PRMT8: variants seen among roughly 807,000 people sequenced by gnomAD.
PRMT8 encodes the protein protein arginine methyltransferase 8, also known as protein arginine N-methyltransferase 8.
In PRMT8, 7 loss-of-function variants were observed where a neutral mutation model predicts 47.1. That is an observed-to-expected ratio of 0.15 (90% CI 0.08 to 0.28). The LOEUF (loss-of-function observed/expected upper bound fraction) is 0.28, where lower values mean the gene tolerates loss of function less well. PRMT8 is among the 10% of genes least tolerant of loss of function. PRMT8 has a pLI of 1.00. For synonymous variants in PRMT8, 188 were observed against 186.5 expected (o/e 1.01, Z -0.07); for missense variants, 237 against 505.4 (o/e 0.47, Z 5.09).
upstream of PRMT8, among the ~76,000 whole-genome samples, chr12:3,490,386 C>T (rs1865367342): frequency 6.6e-6 from 1 of 152,140 alleles, no homozygotes; most frequent in Non-Finnish European, 1.5e-5. Context: ...CCCCTGCTGC[C>T]GCCCAAACTC....
chr12:3,450,644 C>T (rs759978111), intron 1 of PRMT8, among the ~76,000 whole-genome samples: 81 of 152,224 alleles, frequency 5.3e-4, no homozygotes, highest in African/African-American at 1.9e-3. Flanking sequence ...AAATAATGTT[C>T]CATGTAAAAA....
chr12:3,483,158 C>T (rs1865290390), intron 1 of PRMT8, among the ~76,000 whole-genome samples: 1 of 152,176 alleles, frequency 6.6e-6, no homozygotes, highest in Non-Finnish European at 1.5e-5. Flanking sequence ...GGTGGGTGTG[C>T]TCCACGGGAA....
At chr12:3,542,961 A>C (rs2137167747) in intron 2 of PRMT8, among the ~76,000 whole-genome samples, 1 of 152,374 alleles carries the variant, frequency 6.6e-6, no homozygotes, top group East Asian at 1.9e-4. Flanking sequence ...GGGAGAGGAC[A>C]TCAAGTTTCA....
At chr12:3,531,504 G>A (rs1866029888) in intron 1 of PRMT8, among the ~76,000 whole-genome samples, 1 of 152,194 alleles carries the variant, frequency 6.6e-6, no homozygotes, top group Non-Finnish European at 1.5e-5. Flanking sequence ...AATAGGTCAG[G>A]CCCAACAAAT....
rs1369507731 is a variant in PRMT8 at position 3,538,529 on chromosome 12, C to T, written c.76-2077C>T. ...TTAGCCTGTGGAGTCCCAGGAAGCA[C>T]ATGGAAAAGAGAGCCTTGGAACCAG... On this transcript the variant is annotated intron_variant, in intron 1 of 9. Coordinates refer to ENST00000382622, the MANE Select transcript of PRMT8 (RefSeq NM_019854.5). This position sits in a 1 kb window ranked among gnomAD's most constrained non-coding sequence, Gnocchi z 4.6. 1 of 473,974 alleles carries T rather than the reference C, an allele frequency of 2.1e-6. No individual in the cohort carries two copies. 29.4% of individuals were successfully genotyped at this position (473,974 alleles called of 1,614,324 possible).
chr12:3,591,147 C>T (rs1867291971), intron 8 of PRMT8, among the ~76,000 whole-genome samples: 1 of 152,064 alleles, frequency 6.6e-6, no homozygotes, highest in South Asian at 2.1e-4. Context: ...GAACTCCTCA[C>T]ATTTAACTGG....
rs116112984 is a variant in PRMT8 at position 3,568,320 on chromosome 12, A to G, written c.482-386A>G. Among the ~76,000 whole-genome samples, 772 of 149,554 alleles carry G rather than the reference A, an allele frequency of 5.2e-3. 4 individuals carry two copies. Among genetic ancestry groups the G allele is most frequent in the African/African-American group, 0.018 (722 of 40,354 alleles). On this transcript the variant is annotated intron_variant, in intron 4 of 9. Coordinates refer to ENST00000382622, the MANE Select transcript of PRMT8 (RefSeq NM_019854.5). ...CTCAGGGGTGGCTGGAAGAGGTGGA[A>G]GGGGAGGCAGGCACACTTGGTGTAA...
chr12:3,593,052 C>T lies in PRMT8; in HGVS notation c.1102-47C>T, dbSNP rs758093077. On this transcript the variant is annotated intron_variant, in intron 9 of 9. Coordinates refer to ENST00000382622, the MANE Select transcript of PRMT8 (RefSeq NM_019854.5). The surrounding 1 kb of genome is among the most constrained non-coding windows in gnomAD (Gnocchi z 4.8). ...GTGCCAGAGAGTGGGGCTGTGGCTT[C>T]ATACCCAGACGGCCGCCTGACCCTT... 5 of 1,508,166 alleles carry T rather than the reference C, an allele frequency of 3.3e-6. No individual in the cohort carries two copies. The highest frequency in any genetic ancestry group is 3.7e-6 in the Non-Finnish European group (4 of 1,085,914). 93.4% of individuals were successfully genotyped at this position (1,508,166 alleles called of 1,614,324 possible). A position where few individuals can be genotyped will look rare whatever the true frequency, so the allele number is the denominator to read the frequency against.
chr12:3,543,201 C>T (rs531197534), intron 2 of PRMT8, among the ~76,000 whole-genome samples: 384 of 152,324 alleles, frequency 2.5e-3, no homozygotes, highest in Non-Finnish European at 4.3e-3. Context: ...TAGACCATCT[C>T]ATAGGTCCTT....
At chr12:3,471,442 G>A (rs923569233) in intron 1 of PRMT8, among the ~76,000 whole-genome samples, 8 of 151,932 alleles carry the variant, frequency 5.3e-5, no homozygotes, top group African/African-American at 9.7e-5. Flanking sequence ...CAATCCTCAG[G>A]TTTCCATAAA....
Position 3,569,080 on chromosome 12 carries a change from T to C in PRMT8, c.624+232T>C, listed in dbSNP as rs1866794028. On this transcript the variant is annotated intron_variant, in intron 5 of 9. Transcript: ENST00000382622. The surrounding 1 kb of genome is among the most constrained non-coding windows in gnomAD (Gnocchi z 8.2). ...TTCCGTGGGTCTCACCGCAGCCTCTTTTGCAATAACAGACATCCGTTCTCT... is the reference window on the plus strand; with the variant it reads ...TTCCGTGGGTCTCACCGCAGCCTCTCTTGCAATAACAGACATCCGTTCTCT... Among the ~76,000 whole-genome samples the C allele has an allele frequency of 5.9e-5, 9 of 152,092 alleles. No homozygotes were observed. The highest frequency in any genetic ancestry group is 5.9e-4 in the Admixed American group (9 of 15,272).
At chr12:3,455,721 G>C (rs757092926) in intron 1 of PRMT8, among the ~76,000 whole-genome samples, 8 of 152,248 alleles carry the variant, frequency 5.3e-5, no homozygotes, top group Admixed American at 1.3e-4. Flanking sequence ...ATTGAATTTG[G>C]CTTGGTCCTC....
intron 1 of PRMT8, among the ~76,000 whole-genome samples, chr12:3,416,235 G>A (rs553757082): frequency 1.3e-5 from 2 of 152,296 alleles, no homozygotes; most frequent in East Asian, 3.9e-4. Context: ...AAATAGGTTT[G>A]TGTCTTTGCT....
At chr12:3,560,169 T>G (rs1866608420) in intron 4 of PRMT8, among the ~76,000 whole-genome samples, 1 of 152,190 alleles carries the variant, frequency 6.6e-6, no homozygotes, top group Non-Finnish European at 1.5e-5. Context: ...TTAGCCTTGG[T>G]GTGTGTACTC....
At chr12:3,478,594 T>C (rs1865241926) in intron 1 of PRMT8, among the ~76,000 whole-genome samples, 1 of 152,246 alleles carries the variant, frequency 6.6e-6, no homozygotes, top group Non-Finnish European at 1.5e-5. Flanking sequence ...AGGAAGAAGA[T>C]ACACTTTCTT....
At chr12:3,520,235 C>T (rs1017971673) in intron 1 of PRMT8, among the ~76,000 whole-genome samples, 14 of 152,192 alleles carry the variant, frequency 9.2e-5, no homozygotes, top group Non-Finnish European at 1.9e-4. Flanking sequence ...CTCGGCCTGT[C>T]GGGAAAACCA....
chr12:3,471,774 G>T (rs1865165193), intron 1 of PRMT8, among the ~76,000 whole-genome samples: 1 of 151,986 alleles, frequency 6.6e-6, no homozygotes, highest in Admixed American at 6.6e-5. Context: ...CCACTTCCAT[G>T]CTGGGCCACC....
intron 2 of PRMT8, among the ~76,000 whole-genome samples, chr12:3,543,145 G>T (rs1866262740): frequency 6.6e-6 from 1 of 152,174 alleles, no homozygotes; most frequent in South Asian, 2.1e-4. Context: ...CTTCCCATTG[G>T]GAAATACTTC....
chr12:3,542,703 C>T (rs371664555), intron 2 of PRMT8, among the ~76,000 whole-genome samples: 25 of 152,222 alleles, frequency 1.6e-4, no homozygotes, highest in African/African-American at 5.8e-4. Flanking sequence ...CCTCCCCACT[C>T]GGAGCCTCCG....
Sources: allele counts gnomAD v4.1 joint callset (sites outside exome capture counted in the v4.1 genomes callset), GRCh38; gene constraint gnomAD v4.1.1; non-coding constraint Gnocchi (gnomAD v3.1); transcripts MANE v1.5; gene names NCBI Gene and HGNC (gene_info 2026-07-23, HGNC 2026-07-21).